Variants in RSU1 observed in about 807,000 individuals in gnomAD.
The protein encoded by RSU1 is Ras suppressor protein 1.
Under a neutral mutation model 31.1 loss-of-function variants are expected in RSU1, and 26 were observed. That is an observed-to-expected ratio of 0.84 (90% CI 0.61 to 1.16). The LOEUF is 1.16. Ranked by LOEUF, RSU1 falls within the 50% of genes most tolerant of loss-of-function variation. The pLI is 0.00. For synonymous variants in RSU1, 164 were observed against 136.3 expected (o/e 1.20, Z -1.41); for missense variants, 320 against 339.1 (o/e 0.94, Z 0.44).
chr10:16,626,843 T>C (rs531492714), intron 8 of RSU1, among the ~76,000 whole-genome samples: 2 of 152,192 alleles, frequency 1.3e-5, no homozygotes, highest in Non-Finnish European at 2.9e-5. Flanking sequence ...GCCAGATGTC[T>C]TTCATGAATA....
At chr10:16,653,746 G>C (rs1179812773) in intron 8 of RSU1, among the ~76,000 whole-genome samples, 5 of 152,094 alleles carry the variant, frequency 3.3e-5, no homozygotes, top group Non-Finnish European at 7.4e-5. Context: ...GCAGAAAGAA[G>C]ATAATATCGG....
At chr10:16,614,907 AT>A (rs1833950358) in intron 8 of RSU1, among the ~76,000 whole-genome samples, 1 of 152,232 alleles carries the variant, frequency 6.6e-6, no homozygotes, top group African/African-American at 2.4e-5. Context: ...GAAAGGAAAA[AT>A]TTGTAACAGC....
At chr10:16,655,854 T>C (rs747897844) in intron 8 of RSU1, among the ~76,000 whole-genome samples, 3 of 152,202 alleles carry the variant, frequency 2.0e-5, no homozygotes, top group Non-Finnish European at 4.4e-5. Context: ...TAGTACAGTA[T>C]AAATGTAACT....
At chr10:16,802,209 C>A (rs111951018) in intron 2 of RSU1, among the ~76,000 whole-genome samples, 24 of 147,380 alleles carry the variant, frequency 1.6e-4, no homozygotes, top group African/African-American at 2.2e-4. Flanking sequence ...AAAAAAAGAA[C>A]GAACAAATTA....
chr10:16,685,556 T>C lies in RSU1; in HGVS notation c.731+9467A>G, dbSNP rs1022992901. Among the ~76,000 whole-genome samples the C allele has an allele frequency of 1.3e-5, 2 of 149,992 alleles. 1 individual carries two copies. Among genetic ancestry groups the C allele is most frequent in the African/African-American group, 5.1e-5 (2 of 39,344 alleles). On this transcript the variant is annotated intron_variant, in intron 8 of 8. Transcript: ENST00000345264. ...GACCATATAGGGTAACTTCCTGACA[T>C]TGCCATGGCATTTCTAAGCTGTCAT...
At chr10:16,632,022 T>C (rs1834259406) in intron 8 of RSU1, among the ~76,000 whole-genome samples, 1 of 152,134 alleles carries the variant, frequency 6.6e-6, no homozygotes, top group Admixed American at 6.5e-5. Context: ...GACAAGCTCT[T>C]CCACCTCCTC....
intron 7 of RSU1, among the ~76,000 whole-genome samples, chr10:16,728,525 C>T (rs1031770327): frequency 1.3e-5 from 2 of 152,172 alleles, no homozygotes; most frequent in African/African-American, 4.8e-5. Context: ...ACCACTTTCA[C>T]AAACGCAACG....
At chr10:16,719,501 T>C (rs1836211919) in intron 7 of RSU1, among the ~76,000 whole-genome samples, 1 of 152,236 alleles carries the variant, frequency 6.6e-6, no homozygotes, top group Admixed American at 6.5e-5. Flanking sequence ...GTAACTTATT[T>C]GCTGTCACCT....
chr10:16,732,026 C>G (rs571744944), intron 7 of RSU1, among the ~76,000 whole-genome samples: 4 of 152,248 alleles, frequency 2.6e-5, no homozygotes, highest in African/African-American at 9.6e-5. Context: ...TGAGAACCAA[C>G]TGGGCTAAAT....
intron 8 of RSU1, among the ~76,000 whole-genome samples, chr10:16,694,293 A>G (rs935328857): frequency 6.6e-6 from 1 of 152,206 alleles, no homozygotes; most frequent in African/African-American, 2.4e-5. Flanking sequence ...TCATCTCACT[A>G]CAGTACAAGC....
chr10:16,791,635 C>CAAAAAAAAAAAA (rs553951655), intron 2 of RSU1, among the ~76,000 whole-genome samples: 1 of 98,484 alleles, frequency 1.0e-5, no homozygotes. Flanking sequence ...CTCAAAAAAA[C>CAAAAAAAAAAAA]AAAAAAAAAA....
At chr10:16,600,072 C>G (rs7086787) in intron 8 of RSU1, among the ~76,000 whole-genome samples, 18,639 of 152,160 alleles carry the variant, frequency 0.12, 3,319 homozygotes, top group African/African-American at 0.4. Flanking sequence ...AAACGAGAAA[C>G]CGCACTCTGA....
chr10:16,643,291 T>C (rs1281578806), intron 8 of RSU1, among the ~76,000 whole-genome samples: 5 of 152,194 alleles, frequency 3.3e-5, no homozygotes, highest in African/African-American at 1.2e-4. Context: ...TTAAAAATGA[T>C]AGCTACCCTT....
intron 4 of RSU1, among the ~76,000 whole-genome samples, chr10:16,759,508 A>G (rs1246315317): frequency 2.0e-5 from 3 of 152,200 alleles, no homozygotes; most frequent in Non-Finnish European, 4.4e-5. Flanking sequence ...TCTTGTCTCA[A>G]AAAATATATA....
At chr10:16,593,555 A>G in intron 8 of RSU1, 59 bp from the exon 9 acceptor site, 2 of 1,294,300 alleles carry the variant, frequency 1.5e-6, no homozygotes, top group Non-Finnish European at 2.2e-6. Context: ...GATAGCTTTC[A>G]CTGGAAGAGC....
intron 5 of RSU1, among the ~76,000 whole-genome samples, chr10:16,754,141 A>G (rs867828967): frequency 9.9e-5 from 15 of 152,266 alleles, no homozygotes; most frequent in Non-Finnish European, 1.5e-5. Context: ...AAGGTAAAAA[A>G]TAAAATTTTA....
At chr10:16,750,857 A>ATC (rs888883118) in intron 7 of RSU1, among the ~76,000 whole-genome samples, 6 of 145,578 alleles carry the variant, frequency 4.1e-5, no homozygotes, top group African/African-American at 1.6e-4. Flanking sequence ...ACTGTACAAG[A>ATC]TCTCTCTTTT....
chr10:16,706,095 A>G (rs1030410680), intron 7 of RSU1, among the ~76,000 whole-genome samples: 5 of 152,240 alleles, frequency 3.3e-5, no homozygotes, highest in Non-Finnish European at 7.3e-5. Flanking sequence ...CAATGCTGCT[A>G]TAAATATGGC....
intron 8 of RSU1, among the ~76,000 whole-genome samples, chr10:16,629,777 G>C (rs1834217069): frequency 6.6e-6 from 1 of 152,076 alleles, no homozygotes; most frequent in African/African-American, 2.4e-5. Context: ...ATTTAGAGTG[G>C]TTCACGTGTC....
Sources: gnomAD v4.1 joint callset for allele counts (sites outside exome capture counted in the v4.1 genomes callset) on GRCh38, gnomAD v4.1.1 for gene constraint, MANE v1.5 for transcripts, NCBI Gene and HGNC (gene_info 2026-07-23, HGNC 2026-07-21) for gene names.